EYA4: variants seen among roughly 807,000 people sequenced by gnomAD.
EYA4 encodes EYA transcriptional coactivator and phosphatase 4, also known as protein phosphatase EYA4.
In EYA4, 31 loss-of-function variants were observed where a neutral mutation model predicts 87.9. That is an observed-to-expected ratio of 0.35 (90% CI 0.27 to 0.48). The LOEUF (loss-of-function observed/expected upper bound fraction) is 0.48. EYA4 is among the 20% of genes least tolerant of loss of function. The pLI, the probability that EYA4 is intolerant of heterozygous loss-of-function variation, is 0.99. For missense variants in EYA4, 678 were observed against 761.4 expected, an observed-to-expected ratio of 0.89 and a Z score of 1.29; for synonymous variants, 263 against 270.6, an observed-to-expected ratio of 0.97 and a Z score of 0.28.
At chr6:133,449,418 A>G (rs1793179195) in intron 5 of EYA4, among the ~76,000 whole-genome samples, 1 of 152,224 alleles carries the variant, frequency 6.6e-6, no homozygotes, top group Non-Finnish European at 1.5e-5. Context: ...ATAGTGTTTA[A>G]CACAAGCAAC....
intron 1 of EYA4, chr6:133,246,902 C>T (rs1197870749): frequency 6.6e-6 from 1 of 152,214 alleles, no homozygotes; most frequent in East Asian, 1.9e-4. Flanking sequence ...CACAGTGGAG[C>T]CAGGATCCTA....
At chr6:133,366,366 G>C (rs1249935811) in intron 2 of EYA4, among the ~76,000 whole-genome samples, 1 of 152,212 alleles carries the variant, frequency 6.6e-6, no homozygotes, top group Non-Finnish European at 1.5e-5. Context: ...AGGCAGGAGA[G>C]TGAGAGAGTT....
intron 2 of EYA4, among the ~76,000 whole-genome samples, chr6:133,366,779 G>A (rs982115494): frequency 6.6e-6 from 1 of 152,142 alleles, no homozygotes; most frequent in Non-Finnish European, 1.5e-5. Context: ...AGGAAGCTGT[G>A]GTGGCTGTTT....
intron 3 of EYA4, among the ~76,000 whole-genome samples, chr6:133,383,688 G>A (rs17062411): frequency 0.15 from 23,193 of 151,884 alleles, 1,935 homozygotes; most frequent in East Asian, 0.29. Flanking sequence ...TAAAATGATT[G>A]CATATGGATT....
intron 2 of EYA4, among the ~76,000 whole-genome samples, chr6:133,349,353 A>G (rs1013475136): frequency 6.6e-6 from 1 of 152,180 alleles, no homozygotes; most frequent in African/African-American, 2.4e-5. Context: ...GTCTCCATCA[A>G]TTAGTATATA....
chr6:133,282,592 A>ATG (rs1482189879), intron 2 of EYA4, among the ~76,000 whole-genome samples: 1 of 102,588 alleles, frequency 9.7e-6, no homozygotes, highest in Admixed American at 9.7e-5. Context: ...GTGTGTGTAT[A>ATG]TATATATATG....
intron 3 of EYA4, among the ~76,000 whole-genome samples, chr6:133,432,814 G>A (rs79548021): frequency 6.6e-4 from 101 of 152,132 alleles, no homozygotes; most frequent in African/African-American, 2.4e-3. Flanking sequence ...AAACTGAATG[G>A]GTTGAGTAAC....
chr6:133,317,374 T>C (rs1228686806), intron 2 of EYA4, among the ~76,000 whole-genome samples: 1 of 152,208 alleles, frequency 6.6e-6, no homozygotes, highest in Non-Finnish European at 1.5e-5. Flanking sequence ...AGTGACCAAA[T>C]TGAGTTTTCA....
intron 3 of EYA4, among the ~76,000 whole-genome samples, chr6:133,433,420 T>G (rs1033499995): frequency 6.6e-6 from 1 of 152,250 alleles, no homozygotes; most frequent in Non-Finnish European, 1.5e-5. Flanking sequence ...CCCGATGAAC[T>G]GATATAAATC....
intron 2 of EYA4, among the ~76,000 whole-genome samples, chr6:133,292,665 G>A (rs1377553638): frequency 1.3e-5 from 2 of 152,132 alleles, no homozygotes; most frequent in African/African-American, 2.4e-5. Context: ...AACAAATTTA[G>A]GAGTTGATCT....
chr6:133,411,045 G>C (rs1192004622), intron 3 of EYA4, among the ~76,000 whole-genome samples: 1 of 151,714 alleles, frequency 6.6e-6, no homozygotes, highest in African/African-American at 2.4e-5. Flanking sequence ...GACAGAGGGG[G>C]CTATGTGCTT....
intron 2 of EYA4, among the ~76,000 whole-genome samples, chr6:133,362,647 A>G (rs1286473411): frequency 6.6e-6 from 1 of 152,222 alleles, no homozygotes; most frequent in Non-Finnish European, 1.5e-5. Context: ...TGCTAAGTCT[A>G]GGGGTTCCCA....
chr6:133,408,545 G>C (rs1021350967), intron 3 of EYA4, among the ~76,000 whole-genome samples: 1 of 152,094 alleles, frequency 6.6e-6, no homozygotes, highest in African/African-American at 2.4e-5. Context: ...GTAGATTCTC[G>C]AGCCAGAATG....
chr6:133,288,362 G>A (rs1778235291), intron 2 of EYA4, among the ~76,000 whole-genome samples: 1 of 152,156 alleles, frequency 6.6e-6, no homozygotes, highest in African/African-American at 2.4e-5. Context: ...TGAAAATAAA[G>A]CTTTGCTGAA....
intron 1 of EYA4, among the ~76,000 whole-genome samples, chr6:133,245,529 G>A (rs1208269949): frequency 6.6e-6 from 1 of 152,176 alleles, no homozygotes; most frequent in East Asian, 1.9e-4. Flanking sequence ...ACTAGGTGAA[G>A]GAAATCAACA....
intron 1 of EYA4, among the ~76,000 whole-genome samples, chr6:133,266,127 C>T (rs534919728): frequency 2.0e-5 from 3 of 151,976 alleles, no homozygotes; most frequent in African/African-American, 4.8e-5. Context: ...GGAATGTGAC[C>T]TCATTTGGAA....
chr6:133,492,234 A>G (rs1025599742), intron 13 of EYA4, among the ~76,000 whole-genome samples: 2 of 152,210 alleles, frequency 1.3e-5, no homozygotes, highest in Admixed American at 6.5e-5. Flanking sequence ...ACTGAATTCA[A>G]CAACACATTG....
intron 2 of EYA4, among the ~76,000 whole-genome samples, chr6:133,278,554 A>G (rs1777368066): frequency 6.6e-6 from 1 of 152,192 alleles, no homozygotes; most frequent in Non-Finnish European, 1.5e-5. Context: ...GAGGTATGTT[A>G]ATGAGTAGCC....
intron 2 of EYA4, among the ~76,000 whole-genome samples, chr6:133,301,838 A>G (rs1779432632): frequency 6.6e-6 from 1 of 152,180 alleles, no homozygotes; most frequent in African/African-American, 2.4e-5. Flanking sequence ...TTGAAGGAGG[A>G]AGCGCTGGGC....
Sources: gnomAD v4.1 joint callset for allele counts (sites outside exome capture counted in the v4.1 genomes callset) on GRCh38, gnomAD v4.1.1 for gene constraint, MANE v1.5 for transcripts, NCBI Gene and HGNC (gene_info 2026-07-23, HGNC 2026-07-21) for gene names.